Variants in SHISA9 observed in about 807,000 individuals in gnomAD.
The protein encoded by SHISA9 is shisa family member 9, also known as protein shisa-9.
SHISA9 carries 13 observed loss-of-function variants against 38.0 expected under a neutral mutation model. That is an observed-to-expected ratio of 0.34 (90% CI 0.22 to 0.54). The LOEUF is 0.54. Ranked by LOEUF, SHISA9 falls within the 20% of genes least tolerant of loss-of-function variation. SHISA9 has a pLI of 0.91. For synonymous variants in SHISA9, 275 were observed against 242.0 expected (o/e 1.14, Z -1.27); for missense variants, 538 against 575.8 (o/e 0.93, Z 0.67).
intron 2 of SHISA9, among the ~76,000 whole-genome samples, chr16:13,056,323 G>A (rs1040327323): frequency 6.6e-6 from 1 of 152,186 alleles, no homozygotes; most frequent in Admixed American, 6.5e-5. Context: ...ACAGGGTGGA[G>A]GCAAACTATG....
Position 12,914,135 on chromosome 16 carries a change from T to C in SHISA9, c.564-2553T>C, listed in dbSNP as rs527489425. On this transcript the variant is annotated intron_variant, in intron 1 of 4. Coordinates refer to ENST00000558583, the MANE Select transcript of SHISA9 (RefSeq NM_001145204.3). ...ATCTCGGCTCACTGCAACCCCTGCC[T>C]CCCGGGTTCAAGCAATTGTCCTGCC... Among the ~76,000 whole-genome samples, 117 of 146,752 alleles carry C rather than the reference T, an allele frequency of 8.0e-4. 1 individual carries two copies. Among genetic ancestry groups the C allele is most frequent in the African/African-American group, 2.8e-3 (114 of 40,056 alleles).
intron 2 of SHISA9, among the ~76,000 whole-genome samples, chr16:12,958,506 A>G (rs915246484): frequency 6.6e-6 from 1 of 152,280 alleles, no homozygotes; most frequent in South Asian, 2.1e-4. Flanking sequence ...CAGAGTGGGT[A>G]TGTGCTGGAC....
At chr16:13,089,585 G>T (rs1208906591) in intron 2 of SHISA9, among the ~76,000 whole-genome samples, 2 of 152,186 alleles carry the variant, frequency 1.3e-5, no homozygotes, top group Non-Finnish European at 2.9e-5. Context: ...TAGTTTATTT[G>T]CATAGAGATG....
chr16:13,510,510 A>G, the SHISA9 span, among the ~76,000 whole-genome samples: 1 of 152,172 alleles, frequency 6.6e-6, no homozygotes, highest in African/African-American at 2.4e-5. Context: ...TAATCTTAAC[A>G]TCTAGTAAAA....
At chr16:13,115,977 A>G (rs1198395242) in intron 2 of SHISA9, among the ~76,000 whole-genome samples, 2 of 151,822 alleles carry the variant, frequency 1.3e-5, no homozygotes, top group South Asian at 2.1e-4. Context: ...TTCAAATACC[A>G]TTTCCTGCAT....
the SHISA9 span, among the ~76,000 whole-genome samples, chr16:13,424,981 G>A: frequency 3.9e-5 from 6 of 152,264 alleles, no homozygotes; most frequent in South Asian, 1.2e-3. Context: ...TTCATTCAAA[G>A]AGAACCACTC....
At chr16:13,516,062 G>A in the SHISA9 span, among the ~76,000 whole-genome samples, 1 of 152,188 alleles carries the variant, frequency 6.6e-6, no homozygotes, top group Non-Finnish European at 1.5e-5. Context: ...TTGCATGGTA[G>A]GCTGCTCAAA....
chr16:13,029,955 G>C (rs1232801495), intron 2 of SHISA9, among the ~76,000 whole-genome samples: 1 of 152,190 alleles, frequency 6.6e-6, no homozygotes, highest in African/African-American at 2.4e-5. Flanking sequence ...CTAAGGATCA[G>C]TTTCCGCATC....
the SHISA9 span, among the ~76,000 whole-genome samples, chr16:13,343,980 C>G: frequency 6.6e-6 from 1 of 152,056 alleles, no homozygotes; most frequent in South Asian, 2.1e-4. Flanking sequence ...AGGACAAAAG[C>G]AAAAATCAGC....
the SHISA9 span, among the ~76,000 whole-genome samples, chr16:13,387,696 G>T: frequency 1.3e-5 from 2 of 152,020 alleles, no homozygotes; most frequent in Admixed American, 6.6e-5. Context: ...CACCATGTTG[G>T]CCAGGATGGT....
chr16:13,102,282 C>T (rs1293934240), intron 2 of SHISA9, among the ~76,000 whole-genome samples: 1 of 152,194 alleles, frequency 6.6e-6, no homozygotes, highest in Non-Finnish European at 1.5e-5. Context: ...TAGCACTGTG[C>T]ACCAGCTCAA....
chr16:13,446,530 G>A, the SHISA9 span, among the ~76,000 whole-genome samples: 1 of 152,194 alleles, frequency 6.6e-6, no homozygotes, highest in Non-Finnish European at 1.5e-5. Context: ...TTGCTGCAGT[G>A]AGACCAATAA....
chr16:13,187,336 T>TC (rs1194713899), intron 2 of SHISA9, among the ~76,000 whole-genome samples: 1,785 of 115,906 alleles, frequency 0.015, 11 homozygotes, highest in African/African-American at 0.021. Flanking sequence ...TTCTTTTTTT[T>TC]TTTTTTTTTT....
At chr16:13,086,092 T>C (rs759102920) in intron 2 of SHISA9, among the ~76,000 whole-genome samples, 9 of 152,140 alleles carry the variant, frequency 5.9e-5, no homozygotes, top group Non-Finnish European at 1.0e-4. Flanking sequence ...TCACAGTGGC[T>C]CACGCCTGTA....
intron 2 of SHISA9, among the ~76,000 whole-genome samples, chr16:13,004,624 G>A (rs577639887): frequency 3.5e-4 from 54 of 152,148 alleles, no homozygotes; most frequent in African/African-American, 1.2e-3. Context: ...AGACAAGATG[G>A]TGAAAAAGAA....
the SHISA9 span, among the ~76,000 whole-genome samples, chr16:13,370,719 G>A: frequency 6.6e-6 from 1 of 152,036 alleles, no homozygotes; most frequent in Non-Finnish European, 1.5e-5. Context: ...GGAGTGTTTG[G>A]TTAGTGCTGA....
chr16:13,151,209 C>T (rs1193569837), intron 2 of SHISA9, among the ~76,000 whole-genome samples: 2 of 152,102 alleles, frequency 1.3e-5, no homozygotes, highest in African/African-American at 4.8e-5. Flanking sequence ...CGGGTTCAAG[C>T]GATTCTCCTG....
At chr16:13,351,928 C>G in the SHISA9 span, among the ~76,000 whole-genome samples, 5 of 152,304 alleles carry the variant, frequency 3.3e-5, no homozygotes, top group South Asian at 1.0e-3. Context: ...TCTAAATTCA[C>G]TGCTGGAAGA....
chr16:13,405,827 G>T, the SHISA9 span, among the ~76,000 whole-genome samples: 6 of 151,516 alleles, frequency 4.0e-5, no homozygotes, highest in South Asian at 1.2e-3. Flanking sequence ...TGGCTGTGTA[G>T]TATTCTTTGG....
Sources: gnomAD v4.1 joint callset for allele counts (sites outside exome capture counted in the v4.1 genomes callset) on GRCh38, gnomAD v4.1.1 for gene constraint, MANE v1.5 for transcripts, NCBI Gene and HGNC (gene_info 2026-07-23, HGNC 2026-07-21) for gene names.